ITGAM: variants seen among roughly 807,000 people sequenced by gnomAD.
ITGAM encodes integrin alpha-M.
ITGAM carries 79 observed loss-of-function variants against 137.5 expected under a neutral mutation model. That is an observed-to-expected ratio of 0.57 (90% CI 0.48 to 0.69). The LOEUF (loss-of-function observed/expected upper bound fraction) is 0.69, where lower values mean the gene tolerates loss of function less well. ITGAM is among the 30% of genes least tolerant of loss of function. ITGAM has a pLI of 0.00. For synonymous variants in ITGAM, 583 were observed against 592.3 expected (o/e 0.98, Z 0.23); for missense variants, 1,343 against 1,483.5 (o/e 0.91, Z 1.56).
intron 2 of ITGAM, among the ~76,000 whole-genome samples, chr16:31,264,369 C>T (rs532220376): frequency 6.6e-6 from 1 of 152,194 alleles, no homozygotes; most frequent in African/African-American, 2.4e-5. Context: ...AATGCTTGAA[C>T]CTGGGAGGCA....
At chr16:31,264,102 C>G (rs1054637260) in intron 2 of ITGAM, among the ~76,000 whole-genome samples, 7 of 151,958 alleles carry the variant, frequency 4.6e-5, no homozygotes, top group African/African-American at 1.7e-4. Context: ...TCCCAAAGTG[C>G]AGGGATTACA....
chr16:31,321,696 C>G, intron 16 of ITGAM, 69 bp downstream of exon 16: 1 of 1,500,002 alleles, frequency 6.7e-7, no homozygotes, highest in Non-Finnish European at 9.1e-7. Context: ...GCAATCCACT[C>G]TGCCCAGCCT....
Position 31,275,584 on chromosome 16 carries a change from A to T in ITGAM, c.894A>T (p.Gln298His), listed in dbSNP as rs780203439. 3.1e-6 allele frequency: 5 copies of T among 1,613,882 alleles called. No homozygotes were observed. The highest frequency in any genetic ancestry group is 1.6e-4 in the Middle Eastern group (1 of 6,084). ...CCTTCCGCAGTGAGAAATCCCGCCA[A>T]GAGCTTAATACCATCGCATCCAAGC... is the stretch of plus-strand genomic sequence containing the variant. ...GDAFRSEKSR[Q>H]ELNTIASKPP... Residue 298 changes from glutamine to histidine, a missense_variant, in exon 9 of 30, where the codon CAA (glutamine) becomes CAT (histidine). Transcript: ENST00000544665.
intron 8 of ITGAM, among the ~76,000 whole-genome samples, chr16:31,274,409 A>G (rs1465061002): frequency 1.3e-5 from 2 of 152,140 alleles, no homozygotes; most frequent in Admixed American, 6.6e-5. Flanking sequence ...AGTCTTTGAT[A>G]CGGCAGAGCC....
At chr16:31,331,452 G>A (rs2080581781) in intron 29 of ITGAM, 177 bp downstream of exon 29, 1 of 664,952 alleles carries the variant, frequency 1.5e-6, no homozygotes, top group Non-Finnish European at 2.6e-6. Context: ...GGCGCGCTGA[G>A]AACGAGTCGC....
Position 31,321,752 on chromosome 16 carries a change from C to T in ITGAM, c.2002+125C>T, listed in dbSNP as rs1161952163. 7 of 951,294 alleles carry T rather than the reference C, an allele frequency of 7.4e-6. No individual in the cohort carries two copies. In the African/African-American group the frequency reaches 1.2e-4, roughly 16 times the overall value. The allele number at this position is 951,294 out of a possible 1,614,324, so 58.9% of individuals were successfully genotyped here. On this transcript the variant is annotated intron_variant, in intron 16 of 29. Transcript: ENST00000544665. The stretch of plus-strand genomic sequence containing the variant: ...TTCTCACAGGCTCTGACAACCTTCT[C>T]CAAGCCTTACCTGAGTGAGCAGGCT...
At chr16:31,270,851 C>T (rs540884501) in intron 5 of ITGAM, 103 bp from the exon 6 acceptor site, 26 of 521,740 alleles carry the variant, frequency 5.0e-5, no homozygotes, top group Admixed American at 1.4e-4. Context: ...TTTATAGAGA[C>T]GGGGTCCTAT....
chr16:31,293,155 C>A (rs1046806212), intron 12 of ITGAM, among the ~76,000 whole-genome samples: 1 of 152,110 alleles, frequency 6.6e-6, no homozygotes, highest in Middle Eastern at 3.4e-3. Flanking sequence ...TTGGATATTA[C>A]ACCTTTGTTG....
chr16:31,328,284 G>A, intron 23 of ITGAM, 54 bp downstream of exon 23: 1 of 1,351,278 alleles, frequency 7.4e-7, no homozygotes, highest in Non-Finnish European at 1.1e-6. Context: ...GGACATGGCT[G>A]ATTGTGCATC....
Position 31,324,828 on chromosome 16 carries a change from G to T in ITGAM, c.2289+46G>T. The stretch of plus-strand genomic sequence containing the variant: ...CTGCAGGGGTGTGGAAGAGACCAGA[G>T]ACCAAGGTGGTTGAAACTCATTTTA... On this transcript the variant is annotated intron_variant, in intron 18 of 29. Coordinates refer to ENST00000544665, the MANE Select transcript of ITGAM (RefSeq NM_000632.4). This position sits in a 1 kb window ranked among gnomAD's most constrained non-coding sequence, Gnocchi z 4.5. The T allele has an allele frequency of 1.9e-6, 3 of 1,555,546 alleles. No homozygotes were observed. The highest frequency in any genetic ancestry group is 1.3e-5 in the South Asian group (1 of 79,364).
intron 21 of ITGAM, among the ~76,000 whole-genome samples, chr16:31,325,980 C>T (rs551756525): frequency 2.0e-5 from 3 of 152,114 alleles, no homozygotes; most frequent in South Asian, 2.1e-4. Context: ...GTGGGAGGAT[C>T]GTCTGGGCCT....
intron 14 of ITGAM, among the ~76,000 whole-genome samples, chr16:31,320,643 G>A (rs538960344): frequency 3.0e-4 from 46 of 152,030 alleles, no homozygotes; most frequent in Non-Finnish European, 5.9e-4. Flanking sequence ...GCTACTTTTT[G>A]ATTTTTGTTT....
intron 14 of ITGAM, among the ~76,000 whole-genome samples, chr16:31,309,827 A>T (rs1167422235): frequency 6.6e-6 from 1 of 151,840 alleles, no homozygotes. Flanking sequence ...TTCCTTCAGG[A>T]GCTCTTTTAG....
At position 31,297,630 on chromosome 16, in the gene ITGAM, G is replaced by A. The variant is rs1257504909; in HGVS notation, c.1473G>A (p.Val491=). The change falls in exon 13 of 30, where the codon GTG becomes GTA. Residue 491 remains valine (V), a synonymous_variant. Coordinates refer to ENST00000544665, the MANE Select transcript of ITGAM (RefSeq NM_000632.4). ...HYYEQTRGGQ[V]SVCPLPRGRA... ...ACGAGCAGACCCGAGGGGGCCAGGT[G>A]TCCGTGTGCCCCTTGCCCAGGGGGG... The A allele has an allele frequency of 6.2e-7, 1 of 1,613,402 alleles. No homozygotes were observed.
At chr16:31,279,755 T>C (rs1362995063) in intron 12 of ITGAM, among the ~76,000 whole-genome samples, 1 of 152,240 alleles carries the variant, frequency 6.6e-6, no homozygotes, top group Non-Finnish European at 1.5e-5. Context: ...AGATCCCATT[T>C]GTCAATATTG....
chr16:31,273,603 A>C, intron 8 of ITGAM, 85 bp downstream of exon 8: 1 of 1,369,986 alleles, frequency 7.3e-7, no homozygotes. Context: ...AATATTATTA[A>C]AATCAAAGTG....
intron 14 of ITGAM, among the ~76,000 whole-genome samples, chr16:31,307,351 GA>G (rs1439855283): frequency 6.6e-6 from 1 of 152,106 alleles, no homozygotes; most frequent in African/African-American, 2.4e-5. Flanking sequence ...TCTCCTTCAA[GA>G]GGTCCTTCAC....
intron 22 of ITGAM, among the ~76,000 whole-genome samples, chr16:31,327,701 G>A (rs1238759186): frequency 2.0e-5 from 3 of 152,180 alleles, no homozygotes; most frequent in Non-Finnish European, 4.4e-5. Context: ...ACAGAAGGCA[G>A]GAAGCAGATA....
rs571665279 is a variant in ITGAM at position 31,281,143 on chromosome 16, C to T, written c.1356+3034C>T. 5.3e-5 allele frequency among the ~76,000 whole-genome samples: 8 copies of T among 152,246 alleles called. No homozygotes were observed. The East Asian group carries it at 7.7e-4, about 15-fold the overall frequency. ...GTCAGTATTTTATTGAGGATTTCTG[C>T]GTTGATGTTCATCAGGGATATTGGT... On this transcript the variant is annotated intron_variant, in intron 12 of 29. Coordinates refer to ENST00000544665, the MANE Select transcript of ITGAM (RefSeq NM_000632.4).
Sources: gnomAD v4.1 joint callset for allele counts (sites outside exome capture counted in the v4.1 genomes callset) on GRCh38, gnomAD v4.1.1 for gene constraint, Gnocchi (gnomAD v3.1) non-coding constraint, MANE v1.5 for transcripts, NCBI Gene and HGNC (gene_info 2026-07-23, HGNC 2026-07-21) for gene names.